Variants in ARHGEF4 observed in about 807,000 individuals in gnomAD.
ARHGEF4 encodes the protein Rho guanine nucleotide exchange factor 4.
ARHGEF4 carries 119 observed loss-of-function variants against 162.0 expected under a neutral mutation model. That is an observed-to-expected ratio of 0.73 (90% CI 0.63 to 0.86). The LOEUF (loss-of-function observed/expected upper bound fraction) is 0.86. Ranked by LOEUF, ARHGEF4 falls within the 40% of genes least tolerant of loss-of-function variation. The pLI, the probability that ARHGEF4 is intolerant of heterozygous loss-of-function variation, is 0.00. For synonymous variants in ARHGEF4, 1,014 were observed against 979.9 expected (o/e 1.03, Z -0.65); for missense variants, 2,488 against 2,456.0 (o/e 1.01, Z -0.28).
intron 4 of ARHGEF4, among the ~76,000 whole-genome samples, chr2:130,998,110 G>A (rs564587247): frequency 3.9e-5 from 6 of 152,242 alleles, no homozygotes; most frequent in Non-Finnish European, 7.4e-5. Flanking sequence ...AGCTCTTGAT[G>A]CCCACTTCTA....
intron 2 of ARHGEF4, among the ~76,000 whole-genome samples, chr2:130,918,234 C>T (rs1681643502): frequency 6.6e-6 from 1 of 152,116 alleles, no homozygotes; most frequent in Admixed American, 6.5e-5. Context: ...GGACTTACTT[C>T]GTATAAAGAG....
chr2:130,994,197 A>G (rs544599602), intron 4 of ARHGEF4, among the ~76,000 whole-genome samples: 2 of 152,362 alleles, frequency 1.3e-5, no homozygotes, highest in South Asian at 4.1e-4. Flanking sequence ...TAGTTCATTT[A>G]TGTGCAACAC....
rs529725644 is a variant in ARHGEF4, at chr2:130,888,161, A to G, written c.40-25825A>G. Among the ~76,000 whole-genome samples, 29 of 151,738 alleles carry G rather than the reference A, an allele frequency of 1.9e-4. 1 individual carries two copies. Among genetic ancestry groups the G allele is most frequent in the African/African-American group, 6.3e-4 (26 of 41,244 alleles). The stretch of plus-strand genomic sequence containing the variant: ...GTTTGGCTTTATTTTCTATTTTTCT[A>G]TCTTCTAACTTCTTTAAAAAAATGC... On this transcript the variant is annotated intron_variant, in intron 1 of 13. Transcript: ENST00000409359.
intron 1 of ARHGEF4, among the ~76,000 whole-genome samples, chr2:130,839,249 G>C (rs761546948): frequency 3.9e-5 from 6 of 152,152 alleles, no homozygotes; most frequent in Non-Finnish European, 8.8e-5. Context: ...GTTGTGGGGT[G>C]GGCAGAGGAG....
At chr2:130,913,937 C>T in intron 1 of ARHGEF4, 49 bp from the exon 2 acceptor site, 1 of 1,533,328 alleles carries the variant, frequency 6.5e-7, no homozygotes, top group African/African-American at 1.4e-5. Context: ...AACATGTGCA[C>T]AGATGTACTC....
intron 3 of ARHGEF4, among the ~76,000 whole-genome samples, chr2:130,938,440 C>T (rs1683095071): frequency 6.6e-6 from 1 of 152,078 alleles, no homozygotes; most frequent in South Asian, 2.1e-4. Context: ...AAAATATTTT[C>T]GTGTGCATAT....
rs1218287677 is a variant in ARHGEF4, at chr2:130,914,180, G to A, written c.234G>A (p.Glu78=). The A allele has an allele frequency of 2.0e-6, 3 of 1,536,014 alleles. No homozygotes were observed. The highest frequency in any genetic ancestry group is 2.6e-6 in the Non-Finnish European group (3 of 1,146,918). The stretch of plus-strand genomic sequence containing the variant: ...CCTTTGAAAGTGCCTCTGACACAGA[G>A]TCCTTGTCTGGGTACCTCCCGAGGG... The part of the protein sequence containing the change: ...TDPFESASDT[E]SLSGYLPRGV... Residue 78 remains glutamate, a synonymous_variant, in exon 2 of 14, where the codon GAG becomes GAA. Coordinates refer to ENST00000409359, the MANE Select transcript of ARHGEF4 (RefSeq NM_001367493.1).
At chr2:130,955,228 T>G (rs987799090) in intron 4 of ARHGEF4, among the ~76,000 whole-genome samples, 4 of 152,232 alleles carry the variant, frequency 2.6e-5, no homozygotes. Context: ...TCTGTGAACA[T>G]GTTTATAATT....
At chr2:130,855,859 A>C (rs1559003464) in intron 1 of ARHGEF4, among the ~76,000 whole-genome samples, 1 of 152,212 alleles carries the variant, frequency 6.6e-6, no homozygotes, top group Non-Finnish European at 1.5e-5. Flanking sequence ...TGACCAATCA[A>C]ACAACAACCA....
At chr2:131,040,474 C>T in intron 8 of ARHGEF4, 34 bp downstream of exon 8, 3 of 1,509,584 alleles carry the variant, frequency 2.0e-6, no homozygotes, top group Non-Finnish European at 2.7e-6. Flanking sequence ...TACCTGGGCG[C>T]TGCGTTCACA....
At chr2:130,976,313 A>T (rs985326048) in intron 4 of ARHGEF4, among the ~76,000 whole-genome samples, 1 of 149,980 alleles carries the variant, frequency 6.7e-6, no homozygotes, top group Non-Finnish European at 1.5e-5. Flanking sequence ...AGCTCTCAAA[A>T]CTCATTCGGC....
intron 4 of ARHGEF4, among the ~76,000 whole-genome samples, chr2:130,971,167 G>T (rs1685335761): frequency 6.6e-6 from 1 of 152,116 alleles, no homozygotes. Context: ...TTGTTAAAAA[G>T]ACTTTTTTTC....
At chr2:130,924,452 G>A (rs979647567) in intron 2 of ARHGEF4, among the ~76,000 whole-genome samples, 16 of 152,198 alleles carry the variant, frequency 1.1e-4, no homozygotes, top group Admixed American at 5.2e-4. Flanking sequence ...AATTTTAGTA[G>A]AGACGGGGTT....
chr2:130,841,559 C>T (rs776584296), intron 1 of ARHGEF4, among the ~76,000 whole-genome samples: 9 of 152,104 alleles, frequency 5.9e-5, no homozygotes, highest in Admixed American at 2.0e-4. Context: ...CATCCTCTGT[C>T]GTGCCAGCCT....
intron 1 of ARHGEF4, among the ~76,000 whole-genome samples, chr2:130,844,824 G>GTGTA (rs1680840800): frequency 6.6e-6 from 1 of 150,684 alleles, no homozygotes; most frequent in African/African-American, 2.4e-5. Context: ...ATATATATAT[G>GTGTA]TATATATATA....
intron 1 of ARHGEF4, among the ~76,000 whole-genome samples, chr2:130,903,878 A>G (rs1274798284): frequency 2.0e-5 from 3 of 152,196 alleles, no homozygotes; most frequent in Non-Finnish European, 4.4e-5. Flanking sequence ...ATGGCTGCAT[A>G]GTTCTCCATG....
Position 130,917,251 on chromosome 2 carries a change from A to G in ARHGEF4, c.3305A>G (p.Gln1102Arg). The G allele has an allele frequency of 6.4e-7, 1 of 1,550,522 alleles. No homozygotes were observed. Among genetic ancestry groups the G allele is most frequent in the Non-Finnish European group, 8.7e-7 (1 of 1,146,972 alleles). Residue 1102 changes from glutamine (Q) to arginine (R), a missense_variant, in exon 2 of 14, where the codon CAG (glutamine) becomes CGG (arginine). Gln to Arg is a conservative substitution (Grantham distance 43). This residue lies in a region of ARHGEF4 where 1,642 missense variants were observed against 1,481.5 expected (regional missense o/e 1.11). Transcript: ENST00000409359. ...CCCCTGAGTCCCAGGCCTAGTGCTCAGCGGATGGGTCTCCACTACCCCGGG... is the reference window on the plus strand; with the variant it reads ...CCCCTGAGTCCCAGGCCTAGTGCTCGGCGGATGGGTCTCCACTACCCCGGG... The part of the protein sequence containing the change: ...PKPLSPRPSA[Q>R]RMGLHYPGRG...
intron 1 of ARHGEF4, among the ~76,000 whole-genome samples, chr2:130,894,264 A>G (rs1383181079): frequency 2.6e-5 from 4 of 152,210 alleles, no homozygotes; most frequent in Non-Finnish European, 5.9e-5. Context: ...ACCCATGTTC[A>G]TGGGCCTCAC....
intron 1 of ARHGEF4, among the ~76,000 whole-genome samples, chr2:130,874,404 CA>C (rs1678694056): frequency 1.3e-5 from 2 of 152,226 alleles, no homozygotes; most frequent in African/African-American, 2.4e-5. Context: ...CTCAGGCCCA[CA>C]AGGTGTGTGC....
Sources: allele counts gnomAD v4.1 joint callset (sites outside exome capture counted in the v4.1 genomes callset), GRCh38; gene constraint gnomAD v4.1.1; regional missense constraint gnomAD v4.1.1; transcripts MANE v1.5; gene names NCBI Gene and HGNC (gene_info 2026-07-23, HGNC 2026-07-21).